The following LRRC19 variants were observed in gnomAD, a reference collection of about 807,000 sequenced individuals.
LRRC19 encodes the protein leucine-rich repeat-containing protein 19.
Under a neutral mutation model 33.3 loss-of-function variants are expected in LRRC19, and 33 were observed. The observed-to-expected ratio is 0.99, with a 90% CI of 0.75 to 1.33. LRRC19 has a LOEUF of 1.33. Among genes scored for constraint, LRRC19 ranks in the 40% most tolerant of loss-of-function variants. The probability of loss-of-function intolerance (pLI) is 0.00; values close to 1 mark genes in which losing one functional copy is unlikely to be tolerated. For synonymous variants in LRRC19, 184 were observed against 152.3 expected (o/e 1.21, Z -1.53); for missense variants, 463 against 417.3 (o/e 1.11, Z -0.95).
chr9:26,994,810 AT>A lies in LRRC19; in HGVS notation c.*710del, dbSNP rs55942376. On this transcript the variant is annotated 3_prime_UTR_variant, in exon 5 of 5. Transcript: ENST00000380055. ...CTCCCAGAGAGAGGTGGAAATATGTATTTTTAAAACAAGATTTATAGATAAT... is the reference window on the plus strand; with the variant it reads ...CTCCCAGAGAGAGGTGGAAATATGTATTTTAAAACAAGATTTATAGATAAT... 1 of 152,624 alleles carries A rather than the reference AT, an allele frequency of 6.6e-6. No individual in the cohort carries two copies. Among genetic ancestry groups the A allele is most frequent in the African/African-American group, 2.4e-5 (1 of 41,454 alleles). The allele number at this position is 152,624 out of a possible 1,614,324, so 9.5% of individuals were successfully genotyped here.
At chr9:26,996,535 A>C (rs759366480) in intron 3 of LRRC19, 36 bp from the exon 4 acceptor site, 14 of 1,285,338 alleles carry the variant, frequency 1.1e-5, no homozygotes, top group African/African-American at 1.5e-5. Context: ...TAGTATAGAG[A>C]AAAATAATAG....
Position 26,993,760 on chromosome 9 carries a change from C to T in LRRC19, c.*1761G>A, listed in dbSNP as rs1332046662. ...GCATATTATACCCTTATTTAGCTCC[C>T]AGCTCCATCAGCTCATATTTGACCT... On this transcript the variant is annotated 3_prime_UTR_variant, in exon 5 of 5. Coordinates refer to ENST00000380055, the MANE Select transcript of LRRC19 (RefSeq NM_022901.3). 1.3e-5 allele frequency: 2 copies of T among 152,180 alleles called. No individual in the cohort carries two copies. The highest frequency in any genetic ancestry group is 2.9e-5 in the Non-Finnish European group (2 of 68,048). 9.4% of individuals were successfully genotyped at this position (152,180 alleles called of 1,614,324 possible). A position where few individuals can be genotyped will look rare whatever the true frequency, so the allele number is the denominator to read the frequency against.
chr9:26,996,980 G>T (rs149738921), intron 3 of LRRC19, among the ~76,000 whole-genome samples: 3,951 of 152,208 alleles, frequency 0.026, 172 homozygotes, highest in African/African-American at 0.09. Context: ...GGAGGCCGAG[G>T]CGGGTGGATC....
intron 1 of LRRC19, among the ~76,000 whole-genome samples, chr9:27,005,256 A>G (rs913076337): frequency 7.3e-5 from 11 of 150,120 alleles, no homozygotes; most frequent in Admixed American, 4.0e-4. Flanking sequence ...TATCTTGCCA[A>G]TTGGCTTTTA....
chr9:26,998,428 G>A (rs1037275853), intron 2 of LRRC19, among the ~76,000 whole-genome samples, 187 bp from the exon 3 acceptor site: 2 of 151,978 alleles, frequency 1.3e-5, no homozygotes, highest in African/African-American at 4.8e-5. Context: ...AAAAATTAAG[G>A]ATATTCTGAT....
intron 2 of LRRC19, among the ~76,000 whole-genome samples, 197 bp downstream of exon 2, chr9:26,999,417 C>G (rs1828353387): frequency 6.6e-6 from 1 of 152,064 alleles, no homozygotes; most frequent in Non-Finnish European, 1.5e-5. Context: ...TCCCTTTAAT[C>G]AACTTTTAAA....
rs1364496662 is a variant in LRRC19, at chr9:26,994,137, C to A, written c.*1384G>T. ...AACTACGAGCTCTTAGTAGATGTAA[C>A]TGAAAGAATGGGTTTTGTTGTCAAG... On this transcript the variant is annotated 3_prime_UTR_variant, in exon 5 of 5. Transcript: ENST00000380055. The A allele has an allele frequency of 6.6e-6, 1 of 152,146 alleles. No individual in the cohort carries two copies. The highest frequency in any genetic ancestry group is 1.5e-5 in the Non-Finnish European group (1 of 68,044). 9.4% of individuals were successfully genotyped at this position (152,146 alleles called of 1,614,324 possible).
Position 26,995,729 on chromosome 9 carries a change from C to G in LRRC19, c.905G>C (p.Ser302Thr), listed in dbSNP as rs1828117062. The G allele has an allele frequency of 6.2e-7, 1 of 1,613,844 alleles. No individual in the cohort carries two copies. Among genetic ancestry groups the G allele is most frequent in the Admixed American group, 1.7e-5 (1 of 60,010 alleles). The change falls in exon 5 of 5, where the codon AGT becomes ACT. Residue 302 changes from serine to threonine, a missense_variant. Ser to Thr is a moderately conservative substitution (Grantham distance 58). Coordinates refer to ENST00000380055, the MANE Select transcript of LRRC19 (RefSeq NM_022901.3). Reference protein sequence around the residue: ...KCPIWYNILLSYNHHRLEEHE... With the variant: ...KCPIWYNILLTYNHHRLEEHE... ...CTCTTCCAGGCGATGATGATTATAACTAAGCAGAATATTGTACCATATTGG... is the reference window on the plus strand; with the variant it reads ...CTCTTCCAGGCGATGATGATTATAAGTAAGCAGAATATTGTACCATATTGG...
intron 3 of LRRC19, among the ~76,000 whole-genome samples, chr9:26,997,020 G>A (rs190918404): frequency 3.3e-5 from 5 of 152,140 alleles, no homozygotes; most frequent in Admixed American, 6.5e-5. Context: ...AGACCAGCCT[G>A]ACAAACATGG....
At chr9:26,995,929 C>G (rs41272239) in intron 4 of LRRC19, 80 bp from the exon 5 acceptor site, 1 of 964,976 alleles carries the variant, frequency 1.0e-6, no homozygotes, top group Non-Finnish European at 1.5e-6. Context: ...TATCCTAATT[C>G]TCCTCAATAT....
chr9:27,000,469 A>G lies in LRRC19; in HGVS notation c.-9-766T>C, dbSNP rs1379068450. ...AAAACTGTGGGAGATGAGAATCTTT[A>G]GCACTCTTTTTCCCCCCATGGTAAC... On this transcript the variant is annotated intron_variant, in intron 1 of 4. Transcript: ENST00000380055. Among the ~76,000 whole-genome samples the G allele has an allele frequency of 2.0e-5, 3 of 152,192 alleles. No homozygotes were observed. In the South Asian group the frequency reaches 6.2e-4, roughly 32 times the overall value.
intron 2 of LRRC19, among the ~76,000 whole-genome samples, chr9:26,999,232 C>T (rs534700494): frequency 7.9e-5 from 12 of 151,988 alleles, no homozygotes; most frequent in Non-Finnish European, 1.2e-4. Context: ...ATAAATAGAA[C>T]TAAGAATAGT....
At chr9:27,002,030 C>T (rs573175325) in intron 1 of LRRC19, among the ~76,000 whole-genome samples, 1 of 151,882 alleles carries the variant, frequency 6.6e-6, no homozygotes, top group South Asian at 2.1e-4. Context: ...CCTCAGGAAA[C>T]TTACAATCAT....
chr9:26,999,785 T>G, intron 1 of LRRC19, 82 bp from the exon 2 acceptor site: 2 of 906,324 alleles, frequency 2.2e-6, no homozygotes, highest in East Asian at 5.6e-5. Flanking sequence ...TTTTTTTTTT[T>G]TTTTTTGGCT....
chr9:27,000,916 G>A (rs1405573447), intron 1 of LRRC19, among the ~76,000 whole-genome samples: 2 of 152,080 alleles, frequency 1.3e-5, no homozygotes, highest in African/African-American at 2.4e-5. Context: ...TAAGCAAACT[G>A]TATGTTTGTA....
At chr9:27,003,249 G>A (rs1828596654) in intron 1 of LRRC19, among the ~76,000 whole-genome samples, 3 of 152,068 alleles carry the variant, frequency 2.0e-5, no homozygotes, top group Middle Eastern at 3.4e-3. Context: ...TCTGCCAGGT[G>A]CAGTGGCTCA....
In LRRC19 at chr9:26,995,619, T is replaced by C. The variant is rs756583644; in HGVS notation, c.1015A>G (p.Thr339Ala). The part of the protein sequence containing the change: ...QIPETNSEET[T>A]VIFEQLHSFV... ...GAATGTAATTGTTCAAATATTACTG[T>C]AGTTTCTTCAGAGTTTGTTTCTGGT... The change falls in exon 5 of 5, where the codon ACA becomes GCA. Residue 339 changes from threonine (T) to alanine (A), a missense_variant. Physicochemically the swap from Thr to Ala is moderately conservative, Grantham distance 58. Coordinates refer to ENST00000380055, the MANE Select transcript of LRRC19 (RefSeq NM_022901.3). 2 of 1,611,848 alleles carry C rather than the reference T, an allele frequency of 1.2e-6. No homozygotes were observed. Among genetic ancestry groups the C allele is most frequent in the South Asian group, 2.2e-5 (2 of 91,018 alleles).
At chr9:26,995,878 GAA>G in intron 4 of LRRC19, 29 bp from the exon 5 acceptor site, 3 of 1,509,718 alleles carry the variant, frequency 2.0e-6, no homozygotes, top group South Asian at 1.3e-5. Context: ...AGAGGAGAGA[GAA>G]AGAAAATTTG....
intron 1 of LRRC19, among the ~76,000 whole-genome samples, chr9:27,004,578 A>G (rs1484693109): frequency 6.6e-6 from 1 of 152,236 alleles, no homozygotes; most frequent in African/African-American, 2.4e-5. Flanking sequence ...GATACGCAGA[A>G]TAGCTGGCCA....
Sources: gnomAD v4.1 joint callset for allele counts (sites outside exome capture counted in the v4.1 genomes callset) on GRCh38, gnomAD v4.1.1 for gene constraint, MANE v1.5 for transcripts, NCBI Gene and HGNC (gene_info 2026-07-23, HGNC 2026-07-21) for gene names.